The following MYO5C variants were observed in gnomAD, a reference collection of about 807,000 sequenced individuals.
MYO5C encodes the protein unconventional myosin-Vc.
MYO5C carries 194 observed loss-of-function variants against 235.7 expected under a neutral mutation model. The ratio of observed to expected loss-of-function variants is 0.82; its 90% CI spans 0.73 to 0.93. MYO5C has a LOEUF of 0.93. Among genes scored for constraint, MYO5C ranks in the 40% least tolerant of loss-of-function variants. The pLI, the probability that MYO5C is intolerant of heterozygous loss-of-function variation, is 0.00. For missense variants in MYO5C, 2,038 were observed against 2,127.2 expected, an observed-to-expected ratio of 0.96 and a Z score of 0.82; for synonymous variants, 707 against 754.8, an observed-to-expected ratio of 0.94 and a Z score of 1.04.
intron 17 of MYO5C, 43 bp from the exon 18 acceptor site, chr15:52,245,508 G>T: frequency 1.4e-6 from 2 of 1,406,044 alleles, no homozygotes; most frequent in African/African-American, 1.4e-5. Flanking sequence ...GTCAGAGGAA[G>T]CACATTGTGT....
At position 52,295,734 on chromosome 15, in the gene MYO5C, G is replaced by A. The variant is rs2037490314; in HGVS notation, c.-98C>T. The A allele has an allele frequency of 3.2e-5, 26 of 808,742 alleles. No individual in the cohort carries two copies. In the South Asian group the frequency reaches 7.3e-4, roughly 23 times the overall value. The allele number at this position is 808,742 out of a possible 1,614,324, so 50.1% of individuals were successfully genotyped here. ...GGCCGGGCGCAGGAGAGACCGCCGCGGAAATCACCGCCGGGCCATCTTGCC... is the reference window on the plus strand; with the variant it reads ...GGCCGGGCGCAGGAGAGACCGCCGCAGAAATCACCGCCGGGCCATCTTGCC... On this transcript the variant is annotated 5_prime_UTR_variant, in exon 1 of 41. Coordinates refer to ENST00000261839, the MANE Select transcript of MYO5C (RefSeq NM_018728.4).
chr15:52,275,557 C>G lies in MYO5C; in HGVS notation c.606+5G>C, dbSNP rs776068353. 6.2e-7 allele frequency: 1 copy of G among 1,614,156 alleles called. No individual in the cohort carries two copies. The highest frequency in any genetic ancestry group is 8.5e-7 in the Non-Finnish European group (1 of 1,180,030). On this transcript the variant is annotated splice_donor_5th_base_variant and intron_variant, in intron 5 of 40. Coordinates refer to ENST00000261839, the MANE Select transcript of MYO5C (RefSeq NM_018728.4). ...CACCCAGCTGCCTTCCGCAGTGGTA[C>G]GCACCTCGGTGATGGGATTGGATGC...
intron 40 of MYO5C, 132 bp from the exon 41 acceptor site, chr15:52,194,186 A>C (rs973574556): frequency 1.9e-5 from 15 of 785,636 alleles, no homozygotes; most frequent in Non-Finnish European, 2.7e-5. Context: ...AATGACATAC[A>C]TGAGAACTTT....
intron 26 of MYO5C, 115 bp downstream of exon 26, chr15:52,225,324 C>A (rs2141292029): frequency 9.3e-7 from 1 of 1,080,508 alleles, no homozygotes; most frequent in Non-Finnish European, 1.4e-6. Context: ...ATCAACTAAG[C>A]AATCTACCAT....
chr15:52,290,552 G>T (rs1166735837), intron 1 of MYO5C, among the ~76,000 whole-genome samples: 1 of 151,380 alleles, frequency 6.6e-6, no homozygotes, highest in African/African-American at 2.4e-5. Context: ...AACAGATGGT[G>T]GAATGACTGT....
intron 28 of MYO5C, 33 bp from the exon 29 acceptor site, chr15:52,223,757 T>C (rs757982326): frequency 2.1e-5 from 33 of 1,594,482 alleles, no homozygotes; most frequent in African/African-American, 2.7e-5. Context: ...ATAAACCACA[T>C]GGCCTTTGTT....
rs776079634 is a variant in MYO5C, at chr15:52,246,993, G to A, written c.1903C>T (p.Leu635Phe). The A allele has an allele frequency of 2.2e-5, 35 of 1,613,872 alleles. No homozygotes were observed. The highest frequency in any genetic ancestry group is 2.8e-5 in the Non-Finnish European group (33 of 1,179,966). Residue 635 changes from leucine to phenylalanine, a missense_variant, in exon 16 of 41, where the codon CTC becomes TTC. Physicochemically the swap from Leu to Phe is conservative, Grantham distance 22. Transcript: ENST00000261839. Reference sequence around the variant, plus strand: ...GTCGTCGCATTGAGGGTCTCCATGAGCAAGTACAGAGAGCTGCGGAACTAG... The same window carrying A: ...GTCGTCGCATTGAGGGTCTCCATGAACAAGTACAGAGAGCTGCGGAACTAG... Reference protein sequence around the residue: ...GSKFRSSLYLLMETLNATTPH... With the variant: ...GSKFRSSLYLFMETLNATTPH...
chr15:52,221,334 T>C, intron 29 of MYO5C, 79 bp from the exon 30 acceptor site: 1 of 997,098 alleles, frequency 1.0e-6, no homozygotes. Flanking sequence ...CAAACTGAAC[T>C]ATCTTGGTGT....
At position 52,219,925 on chromosome 15, in the gene MYO5C, T is replaced by C. The variant is rs1393087656; in HGVS notation, c.3722-103A>G. On this transcript the variant is annotated intron_variant, in intron 30 of 40. Transcript: ENST00000261839. ...ATTTTTAGAGGTCCTAAACTAGGGG[T>C]GTCCGATCTTTTGGCTTCTCTGGCC... 1.2e-5 allele frequency: 10 copies of C among 802,974 alleles called. No individual in the cohort carries two copies. The African/African-American group carries it at 1.7e-4, about 14-fold the overall frequency. The allele number at this position is 802,974 out of a possible 1,614,324, so 49.7% of individuals were successfully genotyped here.
In MYO5C at chr15:52,264,259, G is replaced by T; in HGVS notation, c.978C>A (p.Ile326=). ...KEDFQMDVFK[I]LAAILHLGNV... ...TGCCCAGATGTAGGATGGCTGCCAG[G>T]ATTTTAAAAACGTCCATCTGAAAAT... The change falls in exon 9 of 41, where the codon ATC becomes ATA. Residue 326 remains isoleucine (I), a synonymous_variant. Transcript: ENST00000261839. The T allele has an allele frequency of 1.2e-6, 2 of 1,614,132 alleles. No individual in the cohort carries two copies. Among genetic ancestry groups the T allele is most frequent in the Non-Finnish European group, 1.7e-6 (2 of 1,180,010 alleles).
chr15:52,212,957 T>G (rs1162207168), intron 34 of MYO5C, among the ~76,000 whole-genome samples: 2 of 152,126 alleles, frequency 1.3e-5, no homozygotes, highest in African/African-American at 4.8e-5. Context: ...TCACTAGGGG[T>G]TGCTGCTGCC....
chr15:52,242,215 T>C lies in MYO5C; in HGVS notation c.2391-2A>G, dbSNP rs772794811. The C allele has an allele frequency of 3.1e-6, 5 of 1,609,020 alleles. No individual in the cohort carries two copies. The African/African-American group carries it at 6.7e-5, about 21-fold the overall frequency. Reference sequence around the variant, plus strand: ...AAGGCCACTGCAGTAATAGCTTTCCTTGGTTAACAAGGATGAAGAGTGAGT... The same window carrying C: ...AAGGCCACTGCAGTAATAGCTTTCCCTGGTTAACAAGGATGAAGAGTGAGT... On this transcript the variant is annotated splice_acceptor_variant, in intron 19 of 40. Coordinates refer to ENST00000261839, the MANE Select transcript of MYO5C (RefSeq NM_018728.4). LOFTEE classifies it high-confidence loss of function.
intron 3 of MYO5C, 76 bp downstream of exon 3, chr15:52,279,433 A>AAAAC: frequency 6.7e-7 from 1 of 1,498,298 alleles, no homozygotes; most frequent in Non-Finnish European, 9.1e-7. Context: ...GTATAAACAT[A>AAAAC]AAACAACCAG....
At chr15:52,263,154 G>C (rs1405247212) in intron 9 of MYO5C, among the ~76,000 whole-genome samples, 1 of 152,196 alleles carries the variant, frequency 6.6e-6, no homozygotes. Flanking sequence ...AAGCCACTCA[G>C]CCTGTGGCAT....
chr15:52,270,239 G>A (rs1238656952), intron 7 of MYO5C, among the ~76,000 whole-genome samples: 3 of 152,116 alleles, frequency 2.0e-5, no homozygotes, highest in Non-Finnish European at 4.4e-5. Context: ...CCGTGCTGGC[G>A]CTACTGCACC....
At chr15:52,236,012 G>A (rs1219798882) in intron 22 of MYO5C, among the ~76,000 whole-genome samples, 1 of 152,186 alleles carries the variant, frequency 6.6e-6, no homozygotes, top group East Asian at 1.9e-4. Context: ...AAGGAGAAAG[G>A]ACACATTCAA....
intron 2 of MYO5C, among the ~76,000 whole-genome samples, chr15:52,281,762 C>T (rs965013320): frequency 6.6e-6 from 1 of 152,224 alleles, no homozygotes; most frequent in African/African-American, 2.4e-5. Flanking sequence ...CCGCTGTGTT[C>T]ATCTGCCTTC....
chr15:52,266,940 T>C (rs1359732343), intron 8 of MYO5C, among the ~76,000 whole-genome samples: 2 of 152,170 alleles, frequency 1.3e-5, no homozygotes, highest in Non-Finnish European at 2.9e-5. Context: ...CATTAATGCC[T>C]TGAGAGGACA....
chr15:52,249,062 G>A (rs2036415590), intron 13 of MYO5C, among the ~76,000 whole-genome samples: 1 of 152,202 alleles, frequency 6.6e-6, no homozygotes, highest in Non-Finnish European at 1.5e-5. Context: ...GCTCCCTGCG[G>A]TATGTGCAGT....
Sources: allele counts gnomAD v4.1 joint callset (sites outside exome capture counted in the v4.1 genomes callset), GRCh38; gene constraint gnomAD v4.1.1; transcripts MANE v1.5; gene names NCBI Gene and HGNC (gene_info 2026-07-23, HGNC 2026-07-21).